ZNF385B: variants seen among roughly 807,000 people sequenced by gnomAD.
ZNF385B encodes the protein zinc finger protein 385B, also known as zinc finger protein 533.
Under a neutral mutation model 39.2 loss-of-function variants are expected in ZNF385B, and 23 were observed. The ratio of observed to expected loss-of-function variants is 0.59; its 90% confidence interval spans 0.42 to 0.83. ZNF385B has a LOEUF of 0.83. Ranked by LOEUF, ZNF385B falls within the 40% of genes least tolerant of loss-of-function variation. The probability of loss-of-function intolerance (pLI) is 0.00; values close to 1 mark genes in which losing one functional copy is unlikely to be tolerated. For synonymous variants in ZNF385B, 205 were observed against 222.6 expected, an observed-to-expected ratio of 0.92 and a Z score of 0.70; for missense variants, 552 against 598.9, an observed-to-expected ratio of 0.92 and a Z score of 0.82.
chr2:179,615,440 C>T (rs6745521), intron 3 of ZNF385B, among the ~76,000 whole-genome samples: 16,792 of 152,232 alleles, frequency 0.11, 1,018 homozygotes, highest in Non-Finnish European at 0.14. Context: ...ATCAGAAACT[C>T]TGTAGTCCAT....
At chr2:179,727,248 C>T (rs767628799) in intron 3 of ZNF385B, among the ~76,000 whole-genome samples, 3 of 151,900 alleles carry the variant, frequency 2.0e-5, no homozygotes, top group Non-Finnish European at 4.4e-5. Context: ...TAAAATAAAT[C>T]CTCATTTCAA....
chr2:179,736,487 T>C (rs1321866992), intron 3 of ZNF385B, among the ~76,000 whole-genome samples: 1 of 152,184 alleles, frequency 6.6e-6, no homozygotes, highest in African/African-American at 2.4e-5. Context: ...CTAAAGAAGT[T>C]TGCCGTTTAG....
chr2:179,653,620 AC>A (rs1693425325), intron 3 of ZNF385B, among the ~76,000 whole-genome samples: 1 of 152,182 alleles, frequency 6.6e-6, no homozygotes, highest in South Asian at 2.1e-4. Context: ...TCTGACTGAT[AC>A]CACATACAAT....
chr2:179,631,266 G>A (rs1575035666), intron 3 of ZNF385B, among the ~76,000 whole-genome samples: 1 of 151,828 alleles, frequency 6.6e-6, no homozygotes, highest in South Asian at 2.1e-4. Context: ...AGGGCAGCCA[G>A]AGAGAAAGGT....
At chr2:179,784,591 T>C (rs917651420) in intron 1 of ZNF385B, among the ~76,000 whole-genome samples, 1 of 151,972 alleles carries the variant, frequency 6.6e-6, no homozygotes, top group Non-Finnish European at 1.5e-5. Flanking sequence ...ATTACTCTCA[T>C]ATGAAAACTT....
chr2:179,530,139 G>A (rs116416107), intron 4 of ZNF385B, among the ~76,000 whole-genome samples: 1 of 152,262 alleles, frequency 6.6e-6, no homozygotes, highest in Non-Finnish European at 1.5e-5. Flanking sequence ...CTAAAAGACA[G>A]TAAACAGTTT....
intron 3 of ZNF385B, among the ~76,000 whole-genome samples, chr2:179,559,737 A>G (rs903686775): frequency 1.3e-5 from 2 of 152,124 alleles, no homozygotes; most frequent in South Asian, 4.1e-4. Context: ...GCCATTTGAC[A>G]TATCCATTAT....
At chr2:179,809,708 CA>C (rs917845795) in intron 1 of ZNF385B, among the ~76,000 whole-genome samples, 1 of 151,798 alleles carries the variant, frequency 6.6e-6, no homozygotes, top group African/African-American at 2.4e-5. Flanking sequence ...GGGACACGAG[CA>C]AAAAATCCAT....
chr2:179,504,338 C>T (rs1160473842), intron 5 of ZNF385B, among the ~76,000 whole-genome samples: 44 of 151,640 alleles, frequency 2.9e-4, no homozygotes, highest in East Asian at 3.9e-4. Flanking sequence ...AATAAACATA[C>T]GTGTGCATGT....
chr2:179,681,668 A>T (rs1697526115), intron 3 of ZNF385B, among the ~76,000 whole-genome samples: 1 of 152,218 alleles, frequency 6.6e-6, no homozygotes, highest in South Asian at 2.1e-4. Context: ...AGTTCATGTA[A>T]CTTAATTGAC....
intron 3 of ZNF385B, among the ~76,000 whole-genome samples, chr2:179,662,118 T>C (rs888677985): frequency 6.6e-6 from 1 of 152,198 alleles, no homozygotes; most frequent in African/African-American, 2.4e-5. Context: ...TTACAGCAGT[T>C]TCAGATTGTC....
chr2:179,620,403 C>T (rs1690112012), intron 3 of ZNF385B, among the ~76,000 whole-genome samples: 1 of 152,054 alleles, frequency 6.6e-6, no homozygotes, highest in African/African-American at 2.4e-5. Flanking sequence ...TAGTATTTGA[C>T]AATATCATAT....
rs1457271595 is a variant in ZNF385B at position 179,461,299 on chromosome 2, A to T, written c.716-14529T>A. 2.6e-5 allele frequency among the ~76,000 whole-genome samples: 4 copies of T among 152,286 alleles called. No homozygotes were observed. The East Asian group carries it at 7.7e-4, about 29-fold the overall frequency. On this transcript the variant is annotated intron_variant, in intron 6 of 9. Coordinates refer to ENST00000410066, the MANE Select transcript of ZNF385B (RefSeq NM_152520.6). ...ATTTTGCCTCTTGCGTGGAGAATAG[A>T]CTGTGAAAGGATAAACATGAGGAGA...
intron 5 of ZNF385B, among the ~76,000 whole-genome samples, 154 bp from the exon 6 acceptor site, chr2:179,483,588 C>A (rs748209694): frequency 6.6e-6 from 1 of 152,096 alleles, no homozygotes; most frequent in Non-Finnish European, 1.5e-5. Flanking sequence ...AAATGGTAGA[C>A]CAGTTCCTAA....
chr2:179,859,316 T>C (rs942712538), intron 1 of ZNF385B, among the ~76,000 whole-genome samples: 3 of 152,206 alleles, frequency 2.0e-5, no homozygotes, highest in Non-Finnish European at 2.9e-5. Context: ...TTCTTTTTGC[T>C]CTGTGAATCT....
intron 3 of ZNF385B, among the ~76,000 whole-genome samples, chr2:179,576,443 A>G (rs905865356): frequency 1.3e-5 from 2 of 152,212 alleles, no homozygotes; most frequent in Non-Finnish European, 2.9e-5. Flanking sequence ...CTTCACCTTC[A>G]TCATGTCATT....
chr2:179,724,991 T>C (rs1424165157), intron 3 of ZNF385B, among the ~76,000 whole-genome samples: 2 of 152,172 alleles, frequency 1.3e-5, no homozygotes, highest in Non-Finnish European at 2.9e-5. Flanking sequence ...TAGGCATCCA[T>C]AAATATTAGT....
At chr2:179,615,810 T>A (rs1046513466) in intron 3 of ZNF385B, among the ~76,000 whole-genome samples, 8 of 152,238 alleles carry the variant, frequency 5.3e-5, no homozygotes, top group Non-Finnish European at 1.2e-4. Context: ...GCACCTTAGA[T>A]GGTTCTGAGG....
chr2:179,631,194 G>A (rs3112955), intron 3 of ZNF385B, among the ~76,000 whole-genome samples: 57,934 of 151,864 alleles, frequency 0.38, 11,218 homozygotes, highest in African/African-American at 0.45. Flanking sequence ...TCCTCGACAC[G>A]AGCAACCACA....
Sources: gnomAD v4.1 joint callset for allele counts (sites outside exome capture counted in the v4.1 genomes callset) on GRCh38, gnomAD v4.1.1 for gene constraint, MANE v1.5 for transcripts, NCBI Gene and HGNC (gene_info 2026-07-23, HGNC 2026-07-21) for gene names.